TENM4: variants seen among roughly 807,000 people sequenced by gnomAD.
The protein encoded by TENM4 is teneurin-4.
In TENM4, 82 loss-of-function variants were observed where a neutral mutation model predicts 243.3. The observed-to-expected ratio is 0.34, with a 90% CI of 0.28 to 0.40. The LOEUF (loss-of-function observed/expected upper bound fraction) is 0.40, where lower values mean the gene tolerates loss of function less well. TENM4 is among the 10% of genes least tolerant of loss of function. TENM4 has a pLI of 1.00. For missense variants in TENM4, 3,138 were observed against 3,673.3 expected, an observed-to-expected ratio of 0.85 and a Z score of 3.77; for synonymous variants, 1,412 against 1,456.3, an observed-to-expected ratio of 0.97 and a Z score of 0.69.
In TENM4 at chr11:79,163,967, CTATATATAGTG is replaced by C. The variant is rs1161982750; in HGVS notation, c.-162-15172_-162-15162del. On this transcript the variant is annotated intron_variant, in intron 3 of 33. Transcript: ENST00000278550. ...TATATAGTACTATATATCTATATAT[CTATATATAGTG>C]TATATATAGTGTATATATAGTATAG... Among the ~76,000 whole-genome samples, 583 of 133,166 alleles carry C rather than the reference CTATATATAGTG, an allele frequency of 4.4e-3. 5 individuals carry two copies. Among genetic ancestry groups the C allele is most frequent in the African/African-American group, 7.5e-3 (266 of 35,396 alleles). 87.4% of individuals were successfully genotyped at this position (133,166 alleles called of 152,430 possible).
At chr11:79,096,506 C>A (rs1242725952) in intron 4 of TENM4, 1 of 148,322 alleles carries the variant, frequency 6.7e-6, no homozygotes, top group Non-Finnish European at 1.5e-5. Context: ...ACCCCACCCC[C>A]ACTCTGTAAG....
chr11:79,112,198 G>T (rs78271736), intron 4 of TENM4, among the ~76,000 whole-genome samples: 1 of 152,150 alleles, frequency 6.6e-6, no homozygotes, highest in Non-Finnish European at 1.5e-5. Flanking sequence ...GCATATACCC[G>T]TGTCTGTAAA....
intron 16 of TENM4, among the ~76,000 whole-genome samples, chr11:78,783,135 T>C (rs1316342273): frequency 6.6e-6 from 1 of 152,154 alleles, no homozygotes; most frequent in Non-Finnish European, 1.5e-5. Context: ...AAAATGTTAG[T>C]AGTGTTTTCA....
intron 6 of TENM4, among the ~76,000 whole-genome samples, chr11:78,908,243 G>C (rs1856105998): frequency 6.6e-6 from 1 of 152,186 alleles, no homozygotes; most frequent in African/African-American, 2.4e-5. Flanking sequence ...CTGTGTGACT[G>C]TCATCAAGTC....
At chr11:79,048,433 T>G (rs1859712458) in intron 6 of TENM4, among the ~76,000 whole-genome samples, 1 of 152,178 alleles carries the variant, frequency 6.6e-6, no homozygotes, top group Non-Finnish European at 1.5e-5. Context: ...GCCCATTCCC[T>G]GACAGTAGGC....
chr11:79,175,929 TA>T (rs1459015901), intron 3 of TENM4, among the ~76,000 whole-genome samples: 1 of 151,704 alleles, frequency 6.6e-6, no homozygotes, highest in Non-Finnish European at 1.5e-5. Flanking sequence ...TGCAAAAAAT[TA>T]AAAAATTTGC....
intron 4 of TENM4, among the ~76,000 whole-genome samples, chr11:79,141,340 A>G (rs1862280990): frequency 6.6e-6 from 1 of 152,106 alleles, no homozygotes; most frequent in African/African-American, 2.4e-5. Context: ...ATTCAAAGGA[A>G]CATTAGAGAC....
chr11:79,299,396 G>A (rs185864563), intron 1 of TENM4, among the ~76,000 whole-genome samples: 5 of 152,242 alleles, frequency 3.3e-5, no homozygotes, highest in African/African-American at 7.2e-5. Flanking sequence ...CCCCAGGAGC[G>A]CACTCAGTTT....
At chr11:79,367,309 C>A (rs916541467) in intron 1 of TENM4, among the ~76,000 whole-genome samples, 3 of 152,196 alleles carry the variant, frequency 2.0e-5, no homozygotes, top group Non-Finnish European at 4.4e-5. Flanking sequence ...CTACTAGAAT[C>A]CCCGATACTC....
chr11:78,846,073 C>T (rs1385626925), intron 12 of TENM4, among the ~76,000 whole-genome samples: 2 of 152,148 alleles, frequency 1.3e-5, no homozygotes, highest in Non-Finnish European at 2.9e-5. Context: ...ATGGATGTCA[C>T]CACTCCAGAA....
At chr11:79,357,743 TA>T (rs1248120341) in intron 1 of TENM4, among the ~76,000 whole-genome samples, 1 of 152,178 alleles carries the variant, frequency 6.6e-6, no homozygotes, top group Non-Finnish European at 1.5e-5. Flanking sequence ...CCTTCCAAAA[TA>T]AAGATGGGGG....
At chr11:79,038,354 C>T (rs184759101) in intron 6 of TENM4, among the ~76,000 whole-genome samples, 3 of 152,348 alleles carry the variant, frequency 2.0e-5, no homozygotes, top group Admixed American at 2.0e-4. Context: ...GTGCCACCTG[C>T]TGTCCCTGCA....
At chr11:79,095,744 T>C (rs746433087) in intron 4 of TENM4, among the ~76,000 whole-genome samples, 3 of 152,258 alleles carry the variant, frequency 2.0e-5, no homozygotes, top group Non-Finnish European at 4.4e-5. Flanking sequence ...TAAAGACACA[T>C]GCCCAAGAGG....
At chr11:78,796,598 G>A (rs1330162578) in intron 15 of TENM4, among the ~76,000 whole-genome samples, 1 of 151,830 alleles carries the variant, frequency 6.6e-6, no homozygotes, top group Non-Finnish European at 1.5e-5. Context: ...AATAGAGTAG[G>A]TTTCTAAAAC....
chr11:78,912,405 C>A (rs1856209375), intron 6 of TENM4, among the ~76,000 whole-genome samples: 1 of 152,320 alleles, frequency 6.6e-6, no homozygotes, highest in East Asian at 1.9e-4. Context: ...CAGCCGCACG[C>A]CACCATGCCT....
chr11:78,798,341 C>T (rs909568422), intron 15 of TENM4, among the ~76,000 whole-genome samples: 3 of 152,140 alleles, frequency 2.0e-5, no homozygotes, highest in Admixed American at 2.0e-4. Flanking sequence ...CCATATCCAT[C>T]TAGTCGTTAT....
intron 1 of TENM4, among the ~76,000 whole-genome samples, chr11:79,310,974 C>T (rs989300785): frequency 6.6e-6 from 1 of 152,056 alleles, no homozygotes; most frequent in African/African-American, 2.4e-5. Flanking sequence ...CTGTGTTACC[C>T]CTAGAAAACT....
At chr11:78,828,499 C>T (rs1479248226) in intron 12 of TENM4, among the ~76,000 whole-genome samples, 1 of 152,216 alleles carries the variant, frequency 6.6e-6, no homozygotes, top group Non-Finnish European at 1.5e-5. Flanking sequence ...GATTTTTCTT[C>T]ACAATAATTA....
intron 2 of TENM4, among the ~76,000 whole-genome samples, chr11:79,292,728 A>G (rs1176348973): frequency 6.6e-6 from 1 of 152,258 alleles, no homozygotes; most frequent in Non-Finnish European, 1.5e-5. Flanking sequence ...TCCCATTCCC[A>G]GCTCAGCCAC....
Sources: gnomAD v4.1 joint callset for allele counts (sites outside exome capture counted in the v4.1 genomes callset) on GRCh38, gnomAD v4.1.1 for gene constraint, MANE v1.5 for transcripts, NCBI Gene and HGNC (gene_info 2026-07-23, HGNC 2026-07-21) for gene names.